The following VPS4B variants were observed in gnomAD, a reference collection of about 807,000 sequenced individuals.
VPS4B encodes vacuolar protein sorting-associated protein 4B.
A neutral mutation model predicts 56.1 loss-of-function variants in VPS4B; 23 were observed. That is an observed-to-expected ratio of 0.41 (90% CI 0.30 to 0.58). The LOEUF (loss-of-function observed/expected upper bound fraction) is 0.58, where lower values mean the gene tolerates loss of function less well. VPS4B is among the 20% of genes least tolerant of loss of function. The pLI, the probability that VPS4B is intolerant of heterozygous loss-of-function variation, is 0.29. For missense variants in VPS4B, 372 were observed against 531.9 expected, an observed-to-expected ratio of 0.70 and a Z score of 2.96; for synonymous variants, 177 against 186.0, an observed-to-expected ratio of 0.95 and a Z score of 0.39.
intron 1 of VPS4B, among the ~76,000 whole-genome samples, chr18:63,415,112 GT>G (rs566047368): frequency 2.0e-5 from 3 of 151,856 alleles, no homozygotes; most frequent in African/African-American, 4.8e-5. Context: ...ATATGCATCT[GT>G]TTTTTTTCTG....
chr18:63,410,332 T>C lies in VPS4B; in HGVS notation c.254A>G (p.Lys85Arg). 2.5e-6 allele frequency: 4 copies of C among 1,614,110 alleles called. No homozygotes were observed. Among genetic ancestry groups the C allele is most frequent in the Non-Finnish European group, 3.4e-6 (4 of 1,180,016 alleles). The change falls in exon 3 of 11, where the codon AAG becomes AGG. Residue 85 changes from lysine to arginine, a missense_variant. Around this residue, in one of 3 missense-constraint regions of VPS4B, gnomAD observed 153 missense variants for 190.3 expected, o/e 0.80. Transcript: ENST00000238497. ...ACTCGGCTGTCCTTCTTTCACTGGC[T>C]TCTGTGCTTTTTTCTCTTTATTTTT... ...YLKNKEKKAQKPVKEGQPSPA... is the reference protein window; with the variant it reads ...YLKNKEKKAQRPVKEGQPSPA...
At chr18:63,416,139 T>A (rs1916157264) in intron 1 of VPS4B, 1 of 165,202 alleles carries the variant, frequency 6.1e-6, no homozygotes, top group Non-Finnish European at 1.4e-5. Flanking sequence ...CCCTGGCAAT[T>A]GGGTCTCATG....
chr18:63,410,546 T>C, intron 2 of VPS4B, 100 bp from the exon 3 acceptor site: 2 of 1,441,968 alleles, frequency 1.4e-6, no homozygotes, highest in Non-Finnish European at 1.9e-6. Context: ...AAATTCTATG[T>C]TGGAAGAAGG....
intron 1 of VPS4B, among the ~76,000 whole-genome samples, chr18:63,421,156 A>AT (rs1455159169): frequency 6.6e-6 from 1 of 152,166 alleles, no homozygotes; most frequent in Non-Finnish European, 1.5e-5. Context: ...TTTGTGAAAG[A>AT]TAACAATTAT....
chr18:63,421,257 A>G (rs1916294909), intron 1 of VPS4B, among the ~76,000 whole-genome samples: 1 of 152,130 alleles, frequency 6.6e-6, no homozygotes, highest in African/African-American at 2.4e-5. Context: ...TGAAATTTTA[A>G]TCTCTGTTTA....
intron 2 of VPS4B, among the ~76,000 whole-genome samples, 160 bp downstream of exon 2, chr18:63,411,307 C>T (rs1916035383): frequency 6.6e-6 from 1 of 151,992 alleles, no homozygotes; most frequent in African/African-American, 2.4e-5. Flanking sequence ...CTAGCTACAT[C>T]TCAATACTTA....
At chr18:63,393,645 G>T (rs1159909346) in intron 9 of VPS4B, 96 bp from the exon 10 acceptor site, 5 of 1,174,350 alleles carry the variant, frequency 4.3e-6, no homozygotes, top group East Asian at 3.1e-5. Context: ...TAATAGTTTT[G>T]TATGTTTTAT....
At chr18:63,398,135 T>C (rs1915712856) in intron 8 of VPS4B, among the ~76,000 whole-genome samples, 1 of 151,414 alleles carries the variant, frequency 6.6e-6, no homozygotes, top group Admixed American at 6.6e-5. Flanking sequence ...AACTTAAAAA[T>C]TAGATAGATA....
At chr18:63,393,628 A>G in intron 9 of VPS4B, 79 bp from the exon 10 acceptor site, 1 of 1,297,440 alleles carries the variant, frequency 7.7e-7, no homozygotes, top group East Asian at 2.9e-5. Context: ...AGGAAAGTTA[A>G]AATGTATAAT....
intron 9 of VPS4B, among the ~76,000 whole-genome samples, chr18:63,394,240 T>C (rs1263931695): frequency 1.3e-5 from 2 of 152,228 alleles, no homozygotes; most frequent in Non-Finnish European, 2.9e-5. Context: ...GCTCTATAGC[T>C]GAGAAACTTC....
chr18:63,421,458 G>C (rs945043954), intron 1 of VPS4B, among the ~76,000 whole-genome samples: 1 of 152,148 alleles, frequency 6.6e-6, no homozygotes, highest in Non-Finnish European at 1.5e-5. Context: ...TACTGGACTG[G>C]GAGTCCTCTA....
chr18:63,397,147 G>A lies in VPS4B; in HGVS notation c.979C>T (p.Arg327Trp), dbSNP rs150331543. Residue 327 changes from arginine to tryptophan, a missense_variant, in exon 9 of 11, where the codon CGG becomes TGG. Arg to Trp is a moderately radical substitution (Grantham distance 101, BLOSUM62 -3). Coordinates refer to ENST00000238497, the MANE Select transcript of VPS4B (RefSeq NM_004869.4). ...TQNSLTEADF[R>W]ELGRKTDGYS... Reference sequence around the variant, plus strand: ...CCATCTGTTTTCCTCCCAAGTTCCCGAAAGTCTGCTTCCGTGAGACTGTTC... The same window carrying A: ...CCATCTGTTTTCCTCCCAAGTTCCCAAAAGTCTGCTTCCGTGAGACTGTTC... 18 of 1,613,998 alleles carry A rather than the reference G, an allele frequency of 1.1e-5. No individual in the cohort carries two copies. Among genetic ancestry groups the A allele is most frequent in the South Asian group, 7.7e-5 (7 of 91,090 alleles).
At position 63,411,574 on chromosome 18, in the gene VPS4B, G is replaced by A. The variant is rs1348257237; in HGVS notation, c.32C>T (p.Ala11Val). ...CGCTGCTTTGCTAGCCAGATCTATCGCTTTCTGTTTGAGGGAGGCAAAATA... is the reference window on the plus strand; with the variant it reads ...CGCTGCTTTGCTAGCCAGATCTATCACTTTCTGTTTGAGGGAGGCAAAATA... MSSTSPNLQKAIDLASKAAQE... is the reference protein window; with the variant it reads MSSTSPNLQKVIDLASKAAQE... Residue 11 changes from alanine (A) to valine (V), a missense_variant, in exon 2 of 11, where the codon GCG (alanine) becomes GTG (valine). Around this residue, in one of 3 missense-constraint regions of VPS4B, gnomAD observed 153 missense variants for 190.3 expected, o/e 0.80. Transcript: ENST00000238497. 4 of 1,566,318 alleles carry A rather than the reference G, an allele frequency of 2.6e-6. No individual in the cohort carries two copies. The highest frequency in any genetic ancestry group is 1.4e-5 in the African/African-American group (1 of 73,754).
In VPS4B at chr18:63,397,028, A is replaced by ACTTACCTTTT; in HGVS notation, c.1088_1092+5dup. ...AGATAGGAAAGGATAGATAAAAATGACTTACCTTTTTAAAATGAGTAGCTG... is the reference window on the plus strand; with the variant it reads ...AGATAGGAAAGGATAGATAAAAATGACTTACCTTTTCTTACCTTTTTAAAATGAGTAGCTG... On this transcript the variant is annotated splice_donor_region_variant and intron_variant, in intron 9 of 10. Transcript: ENST00000238497. 1.9e-6 allele frequency: 3 copies of ACTTACCTTTT among 1,610,078 alleles called. No individual in the cohort carries two copies. Among genetic ancestry groups the ACTTACCTTTT allele is most frequent in the Non-Finnish European group, 2.5e-6 (3 of 1,176,974 alleles).
At chr18:63,419,383 CTCCTGCCTGGGCAAT>C (rs1916242225) in intron 1 of VPS4B, among the ~76,000 whole-genome samples, 1 of 152,096 alleles carries the variant, frequency 6.6e-6, no homozygotes, top group South Asian at 2.1e-4. Flanking sequence ...TGCCACTGCA[CTCCTGCCTGGGCAAT>C]AGAGTGAGAC....
intron 1 of VPS4B, chr18:63,415,677 A>G (rs906766332): frequency 2.9e-5 from 7 of 243,862 alleles, no homozygotes; most frequent in African/African-American, 4.6e-5. Context: ...CACGATGTGC[A>G]GCACTTCACT....
intron 1 of VPS4B, among the ~76,000 whole-genome samples, chr18:63,412,909 A>G (rs1916077254): frequency 6.6e-6 from 1 of 152,156 alleles, no homozygotes; most frequent in African/African-American, 2.4e-5. Context: ...CATACTATAT[A>G]AAAGAAAAAA....
chr18:63,413,292 A>ATTGT (rs1916086794), intron 1 of VPS4B, among the ~76,000 whole-genome samples: 1 of 152,200 alleles, frequency 6.6e-6, no homozygotes, highest in Non-Finnish European at 1.5e-5. Context: ...CTGCGTGTGA[A>ATTGT]TCTACAATTA....
At chr18:63,421,740 T>C (rs558857142) in intron 1 of VPS4B, among the ~76,000 whole-genome samples, 63 of 152,146 alleles carry the variant, frequency 4.1e-4, no homozygotes, top group Non-Finnish European at 9.0e-4. Context: ...TGCACATAAA[T>C]TCAATGACTT....
Sources: allele counts gnomAD v4.1 joint callset (sites outside exome capture counted in the v4.1 genomes callset), GRCh38; gene constraint gnomAD v4.1.1; regional missense constraint gnomAD v4.1.1; transcripts MANE v1.5; gene names NCBI Gene and HGNC (gene_info 2026-07-23, HGNC 2026-07-21).